COG6: variants seen among roughly 807,000 people sequenced by gnomAD.
The protein encoded by COG6 is component of oligomeric golgi complex 6, also known as conserved oligomeric Golgi complex subunit 6.
In COG6, 74 loss-of-function variants were observed where a neutral mutation model predicts 88.8. That is an observed-to-expected ratio of 0.83 (90% CI 0.69 to 1.01). COG6 has a LOEUF of 1.01. COG6 is among the 50% of genes least tolerant of loss of function. COG6 has a pLI of 0.00. For missense variants in COG6, 800 were observed against 797.9 expected, an observed-to-expected ratio of 1.00 and a Z score of -0.03; for synonymous variants, 286 against 278.7, an observed-to-expected ratio of 1.03 and a Z score of -0.26.
chr13:39,786,554 C>T (rs897421291), intron 18 of COG6, among the ~76,000 whole-genome samples: 1 of 152,120 alleles, frequency 6.6e-6, no homozygotes, highest in Non-Finnish European at 1.5e-5. Context: ...GATATTGAAA[C>T]AAGGTTTGCA....
At position 39,751,133 on chromosome 13, in the gene COG6, A is replaced by G. The variant is rs185838939; in HGVS notation, c.*40A>G. On this transcript the variant is annotated 3_prime_UTR_variant, in exon 19 of 19. Transcript: ENST00000455146. Reference sequence around the variant, plus strand: ...TGTGTTAGCAAAATATGACCTCCCTAAAACACTGAAGGTTATTTTTTATTC... The same window carrying G: ...TGTGTTAGCAAAATATGACCTCCCTGAAACACTGAAGGTTATTTTTTATTC... The G allele has an allele frequency of 2.6e-3, 4,117 of 1,610,024 alleles. 32 individuals are homozygous for G. The highest frequency in any genetic ancestry group is 2.0e-3 in the Non-Finnish European group (2,369 of 1,177,552).
At chr13:39,750,917 G>A (rs765532039) in intron 18 of COG6, 29 bp from the exon 19 acceptor site, 49 of 1,569,574 alleles carry the variant, frequency 3.1e-5, no homozygotes, top group Non-Finnish European at 4.1e-5. Flanking sequence ...TTCAAATGAT[G>A]TGTTTACATT....
rs562583024 is a variant in COG6 at position 39,730,750 on chromosome 13, G to C, written c.1826+3202G>C. Reference sequence around the variant, plus strand: ...AGTCGCACCACTGCCCTCCAGCCTGGGCGACAGAGCAAGACTCCATCTCAA... The same window carrying C: ...AGTCGCACCACTGCCCTCCAGCCTGCGCGACAGAGCAAGACTCCATCTCAA... On this transcript the variant is annotated intron_variant, in intron 18 of 18. Transcript: ENST00000455146. 2.0e-3 allele frequency among the ~76,000 whole-genome samples: 219 copies of C among 107,476 alleles called. 1 individual carries two copies. The highest frequency in any genetic ancestry group is 0.011 in the South Asian group (34 of 3,112). The allele number at this position is 107,476 out of a possible 152,430, so 70.5% of individuals were successfully genotyped here.
intron 17 of COG6, 109 bp downstream of exon 17, chr13:39,724,670 T>G: frequency 1.2e-6 from 1 of 812,126 alleles, no homozygotes; most frequent in South Asian, 1.4e-5. Flanking sequence ...TCTCTTGACA[T>G]GCTGTATTAA....
At chr13:39,685,312 T>C (rs1022995071) in intron 8 of COG6, among the ~76,000 whole-genome samples, 1 of 152,194 alleles carries the variant, frequency 6.6e-6, no homozygotes. Flanking sequence ...TTTTCTTCTG[T>C]CTCTGGGAAG....
At chr13:39,719,994 A>AGC (rs368423510) in intron 15 of COG6, among the ~76,000 whole-genome samples, 167 bp downstream of exon 15, 2 of 147,764 alleles carry the variant, frequency 1.4e-5, no homozygotes, top group African/African-American at 5.0e-5. Flanking sequence ...GCACATACAC[A>AGC]ACACACACAC....
At chr13:39,770,381 C>G (rs1451075852) in intron 18 of COG6, among the ~76,000 whole-genome samples, 1 of 152,186 alleles carries the variant, frequency 6.6e-6, no homozygotes, top group African/African-American at 2.4e-5. Flanking sequence ...TCATGTATGG[C>G]CTCTCATTAG....
chr13:39,753,798 T>C (rs1376356921), downstream of COG6, among the ~76,000 whole-genome samples: 1 of 152,192 alleles, frequency 6.6e-6, no homozygotes, highest in African/African-American at 2.4e-5. Flanking sequence ...AATGTTGTAA[T>C]GTTCATAGTA....
intron 18 of COG6, among the ~76,000 whole-genome samples, chr13:39,741,424 G>A (rs1880036332): frequency 6.6e-6 from 1 of 152,082 alleles, no homozygotes; most frequent in South Asian, 2.1e-4. Flanking sequence ...TGACCTGATG[G>A]AGCTGAAAAC....
intron 13 of COG6, among the ~76,000 whole-genome samples, chr13:39,715,216 A>T (rs77311055): frequency 0.067 from 10,131 of 151,836 alleles, 402 homozygotes; most frequent in Non-Finnish European, 0.095. Flanking sequence ...TTAAAAAAAA[A>T]TTTTTAAAGA....
chr13:39,748,609 C>T (rs1880463643), intron 18 of COG6, among the ~76,000 whole-genome samples: 1 of 151,520 alleles, frequency 6.6e-6, no homozygotes, highest in Non-Finnish European at 1.5e-5. Flanking sequence ...AGAAGTGAGA[C>T]TGTCTCGAAA....
intron 18 of COG6, among the ~76,000 whole-genome samples, chr13:39,772,914 A>G (rs537025534): frequency 6.6e-6 from 1 of 152,152 alleles, no homozygotes; most frequent in Non-Finnish European, 1.5e-5. Flanking sequence ...GTCTCTGGGG[A>G]CTATCTTCTT....
intron 13 of COG6, among the ~76,000 whole-genome samples, chr13:39,713,577 TA>T (rs1442418653): frequency 1.3e-5 from 2 of 151,730 alleles, no homozygotes; most frequent in African/African-American, 4.8e-5. Flanking sequence ...CTACTAAAAA[TA>T]CAAAAAAATT....
At chr13:39,769,145 A>G (rs1233617862) in intron 18 of COG6, among the ~76,000 whole-genome samples, 5 of 152,104 alleles carry the variant, frequency 3.3e-5, no homozygotes, top group Admixed American at 6.6e-5. Flanking sequence ...GAGCTTTTCT[A>G]AAGTCTTTTG....
chr13:39,731,510 G>A (rs1055093760), intron 18 of COG6, among the ~76,000 whole-genome samples: 4 of 152,180 alleles, frequency 2.6e-5, no homozygotes, highest in African/African-American at 9.6e-5. Context: ...AGAAACCACA[G>A]TTGTGCATAT....
intron 18 of COG6, among the ~76,000 whole-genome samples, chr13:39,744,721 C>T (rs1456058958): frequency 6.6e-6 from 1 of 152,064 alleles, no homozygotes; most frequent in African/African-American, 2.4e-5. Context: ...CATCAAGGTA[C>T]CAATGACTTT....
chr13:39,678,681 C>G (rs922907581), intron 5 of COG6, among the ~76,000 whole-genome samples: 2 of 151,908 alleles, frequency 1.3e-5, no homozygotes, highest in African/African-American at 4.8e-5. Context: ...GATCAGAGGG[C>G]AAGAAGGGTT....
In COG6 at chr13:39,677,902, T is replaced by C. The variant is rs79449909; in HGVS notation, c.540+323T>C. ...TCTAGATCTATAGTTAAAAAGAATA[T>C]GCTTTGATTATCTATGTTAACTATT... On this transcript the variant is annotated intron_variant, in intron 5 of 18. Coordinates refer to ENST00000455146, the MANE Select transcript of COG6 (RefSeq NM_020751.3). Among the ~76,000 whole-genome samples the C allele has an allele frequency of 4.6e-3, 704 of 152,320 alleles. 6 individuals are homozygous for C. Among genetic ancestry groups the C allele is most frequent in the African/African-American group, 0.016 (651 of 41,566 alleles).
chr13:39,694,595 T>G, intron 11 of COG6, 39 bp from the exon 12 acceptor site: 1 of 1,279,564 alleles, frequency 7.8e-7, no homozygotes, highest in Non-Finnish European at 1.1e-6. Flanking sequence ...AAGTTATACT[T>G]TTAAGAAATG....
Sources: gnomAD v4.1 joint callset for allele counts (sites outside exome capture counted in the v4.1 genomes callset) on GRCh38, gnomAD v4.1.1 for gene constraint, MANE v1.5 for transcripts, NCBI Gene and HGNC (gene_info 2026-07-23, HGNC 2026-07-21) for gene names.